Variants in RFX3 observed in about 807,000 individuals in gnomAD.
RFX3 encodes the protein regulatory factor X3.
Under a neutral mutation model 98.6 loss-of-function variants are expected in RFX3, and 14 were observed. The ratio of observed to expected loss-of-function variants is 0.14; its 90% CI spans 0.09 to 0.22. RFX3 has a LOEUF of 0.22. Among genes scored for constraint, RFX3 ranks in the 10% least tolerant of loss-of-function variants. The pLI is 1.00. For missense variants in RFX3, 639 were observed against 926.9 expected (o/e 0.69, Z 4.03); for synonymous variants, 383 against 328.4 (o/e 1.17, Z -1.80).
intron 14 of RFX3, among the ~76,000 whole-genome samples, chr9:3,249,782 A>G (rs1057078260): frequency 6.6e-6 from 1 of 152,088 alleles, no homozygotes; most frequent in Non-Finnish European, 1.5e-5. Flanking sequence ...CTAAGAGTCA[A>G]ATGACATAAT....
chr9:3,370,061 T>C (rs1837660840), intron 2 of RFX3, among the ~76,000 whole-genome samples: 1 of 149,944 alleles, frequency 6.7e-6, no homozygotes. Flanking sequence ...CAGGATGGTC[T>C]CGATCTCCTG....
chr9:3,333,536 C>A (rs865962779), intron 3 of RFX3, among the ~76,000 whole-genome samples: 7 of 145,316 alleles, frequency 4.8e-5, no homozygotes, highest in South Asian at 4.3e-4. Flanking sequence ...TCATTTGTTT[C>A]TTTATTTATA....
chr9:3,456,669 C>T (rs1050480377), intron 1 of RFX3, among the ~76,000 whole-genome samples: 4 of 152,130 alleles, frequency 2.6e-5, no homozygotes, highest in African/African-American at 9.7e-5. Flanking sequence ...CCTAATTTGG[C>T]CATCTATTAA....
intron 1 of RFX3, among the ~76,000 whole-genome samples, chr9:3,451,743 G>T (rs755249808): frequency 2.0e-5 from 3 of 151,784 alleles, no homozygotes; most frequent in Non-Finnish European, 4.4e-5. Context: ...GGGGAAACTG[G>T]GTGTAGCATA....
At chr9:3,485,370 C>T (rs1235137491) in intron 1 of RFX3, among the ~76,000 whole-genome samples, 2 of 152,246 alleles carry the variant, frequency 1.3e-5, no homozygotes, top group Middle Eastern at 3.4e-3. Flanking sequence ...TTAATTTTCA[C>T]AAGTCTTCAA....
intron 2 of RFX3, among the ~76,000 whole-genome samples, chr9:3,359,860 G>C (rs141286686): frequency 2.6e-5 from 4 of 151,908 alleles, no homozygotes; most frequent in African/African-American, 9.7e-5. Context: ...CTATTTTCTC[G>C]TTCTAAAATG....
At chr9:3,477,710 G>T (rs1369500907) in intron 1 of RFX3, among the ~76,000 whole-genome samples, 1 of 152,092 alleles carries the variant, frequency 6.6e-6, no homozygotes. Flanking sequence ...AGCAAGTTTG[G>T]AAAGTTTTCT....
chr9:3,366,731 T>C (rs1039765771), intron 2 of RFX3, among the ~76,000 whole-genome samples: 1 of 149,086 alleles, frequency 6.7e-6, no homozygotes, highest in African/African-American at 2.5e-5. Flanking sequence ...TCTTTCTTTC[T>C]TTCTTTCTTT....
At chr9:3,427,749 C>G (rs945837044) in intron 1 of RFX3, among the ~76,000 whole-genome samples, 9 of 152,088 alleles carry the variant, frequency 5.9e-5, no homozygotes, top group African/African-American at 1.7e-4. Context: ...TTTTCATTCT[C>G]AGATCCATAG....
At chr9:3,494,290 G>C (rs1262845371) in intron 1 of RFX3, among the ~76,000 whole-genome samples, 1 of 152,136 alleles carries the variant, frequency 6.6e-6, no homozygotes, top group Non-Finnish European at 1.5e-5. Flanking sequence ...GATAAGCAGA[G>C]TTGTTGACCT....
At chr9:3,403,080 T>TATTTA (rs1841629533) in intron 1 of RFX3, among the ~76,000 whole-genome samples, 4 of 152,092 alleles carry the variant, frequency 2.6e-5, no homozygotes, top group Non-Finnish European at 4.4e-5. Context: ...AATAGTCAGG[T>TATTTA]ACTAAATTTA....
intron 12 of RFX3, 126 bp from the exon 13 acceptor site, chr9:3,263,210 T>G: frequency 1.0e-6 from 1 of 974,252 alleles, no homozygotes; most frequent in East Asian, 2.5e-5. Context: ...TAAAATTCAT[T>G]TGGTGAGAGA....
chr9:3,391,848 C>T (rs1422820257), intron 2 of RFX3, among the ~76,000 whole-genome samples: 1 of 152,122 alleles, frequency 6.6e-6, no homozygotes, highest in Non-Finnish European at 1.5e-5. Flanking sequence ...CTGGCTTTCC[C>T]TAACTTTAGT....
chr9:3,419,303 T>C (rs1378428550), intron 1 of RFX3, among the ~76,000 whole-genome samples: 3 of 152,222 alleles, frequency 2.0e-5, no homozygotes, highest in East Asian at 1.9e-4. Context: ...CTTTATAATA[T>C]CTTCCAAGTA....
chr9:3,505,443 A>ATAAATATAAAATAAAATACTTTAC (rs1319799225), intron 1 of RFX3, among the ~76,000 whole-genome samples: 3 of 8,684 alleles, frequency 3.5e-4, no homozygotes, highest in African/African-American at 6.2e-4. Context: ...AATATTTTAT[A>ATAAATATAAAATAAAATACTTTAC]TTTATATAAA....
At position 3,389,534 on chromosome 9, in the gene RFX3, A is replaced by G. The variant is rs145741498; in HGVS notation, c.117+5938T>C. Among the ~76,000 whole-genome samples the G allele has an allele frequency of 6.2e-3, 942 of 152,288 alleles. 5 individuals are homozygous for G. The highest frequency in any genetic ancestry group is 0.021 in the African/African-American group (872 of 41,570). The stretch of plus-strand genomic sequence containing the variant: ...TGATGTTTTGTGAGATCATGAAAAG[A>G]CAGGAAATTTCATATAGCATTTCAG... On this transcript the variant is annotated intron_variant, in intron 2 of 16. Transcript: ENST00000617270.
chr9:3,290,398 C>G (rs867794742), intron 6 of RFX3, among the ~76,000 whole-genome samples: 1 of 151,964 alleles, frequency 6.6e-6, no homozygotes, highest in Non-Finnish European at 1.5e-5. Context: ...TTGAATGGAG[C>G]CTCAAAATAG....
At position 3,273,233 on chromosome 9, in the gene RFX3, A is replaced by G. The variant is rs1824736263; in HGVS notation, c.1087-2115T>C. 2.0e-5 allele frequency among the ~76,000 whole-genome samples: 3 copies of G among 152,180 alleles called. No homozygotes were observed. In the South Asian group the frequency reaches 6.2e-4, roughly 32 times the overall value. On this transcript the variant is annotated intron_variant, in intron 9 of 16. Coordinates refer to ENST00000617270, the MANE Select transcript of RFX3 (RefSeq NM_001282116.2). ...AAGTTTTTCATATTTATTCAAAATGAATATTTATTAACAGGAAAAAATAAT... is the reference window on the plus strand; with the variant it reads ...AAGTTTTTCATATTTATTCAAAATGGATATTTATTAACAGGAAAAAATAAT...
chr9:3,336,472 T>C (rs779538784), intron 3 of RFX3, among the ~76,000 whole-genome samples: 57 of 152,174 alleles, frequency 3.7e-4, no homozygotes, highest in Non-Finnish European at 7.8e-4. Context: ...AGTTAAGGAA[T>C]GTTATCCCTG....
Sources: gnomAD v4.1 joint callset for allele counts (sites outside exome capture counted in the v4.1 genomes callset) on GRCh38, gnomAD v4.1.1 for gene constraint, MANE v1.5 for transcripts, NCBI Gene and HGNC (gene_info 2026-07-23, HGNC 2026-07-21) for gene names.